The following MICU1 variants were observed in gnomAD, a reference collection of about 807,000 sequenced individuals.
The protein encoded by MICU1 is calcium uptake protein 1, mitochondrial.
In MICU1, 45 loss-of-function variants were observed where a neutral mutation model predicts 56.8. That is an observed-to-expected ratio of 0.79 (90% CI 0.62 to 1.02). The LOEUF (loss-of-function observed/expected upper bound fraction) is 1.02. Among genes scored for constraint, MICU1 ranks in the 50% least tolerant of loss-of-function variants. The pLI is 0.00. For missense variants in MICU1, 504 were observed against 587.1 expected (o/e 0.86, Z 1.46); for synonymous variants, 186 against 195.1 (o/e 0.95, Z 0.39).
chr10:72,376,084 A>T (rs976929241), intron 10 of MICU1, among the ~76,000 whole-genome samples: 9 of 152,106 alleles, frequency 5.9e-5, no homozygotes, highest in Non-Finnish European at 1.2e-4. Context: ...TGAGGCCAGA[A>T]CTTCAAGACC....
At chr10:72,495,655 CAAAAAAAAAA>C (rs758909513) in intron 6 of MICU1, among the ~76,000 whole-genome samples, 1 of 85,410 alleles carries the variant, frequency 1.2e-5, no homozygotes, top group South Asian at 4.1e-4. Context: ...ACCTCTGTCT[CAAAAAAAAAA>C]AAAAAAAAAA....
At chr10:72,473,458 C>T (rs532803152) in intron 8 of MICU1, among the ~76,000 whole-genome samples, 1 of 152,216 alleles carries the variant, frequency 6.6e-6, no homozygotes, top group Non-Finnish European at 1.5e-5. Context: ...CATTTTCTAA[C>T]ATGCTTATTC....
At chr10:72,433,585 G>A (rs1864615658) in intron 8 of MICU1, among the ~76,000 whole-genome samples, 2 of 151,960 alleles carry the variant, frequency 1.3e-5, no homozygotes, top group South Asian at 2.1e-4. Flanking sequence ...CTGCCACCAC[G>A]CCTGGCTAAT....
chr10:72,570,339 T>A (rs1428591762), intron 1 of MICU1, among the ~76,000 whole-genome samples: 2 of 152,204 alleles, frequency 1.3e-5, no homozygotes, highest in Non-Finnish European at 2.9e-5. Flanking sequence ...CCAAATTATT[T>A]TTTTTTTCAA....
intron 8 of MICU1, among the ~76,000 whole-genome samples, chr10:72,426,280 A>C (rs910056374): frequency 2.6e-5 from 4 of 152,186 alleles, no homozygotes; most frequent in African/African-American, 7.2e-5. Flanking sequence ...TTGGCCTCCC[A>C]AAGTGCTGAG....
chr10:72,423,704 T>G (rs1214762468), intron 8 of MICU1, among the ~76,000 whole-genome samples: 1 of 152,176 alleles, frequency 6.6e-6, no homozygotes, highest in African/African-American at 2.4e-5. Context: ...ACGGAACAGA[T>G]GGATAACATT....
intron 10 of MICU1, among the ~76,000 whole-genome samples, chr10:72,382,256 C>G (rs1017187641): frequency 1.3e-5 from 2 of 150,180 alleles, no homozygotes; most frequent in African/African-American, 4.9e-5. Context: ...ATTACAGGTG[C>G]CTGCCACCAC....
intron 8 of MICU1, among the ~76,000 whole-genome samples, chr10:72,443,054 G>A (rs1222471521): frequency 1.3e-5 from 2 of 152,176 alleles, no homozygotes; most frequent in Non-Finnish European, 2.9e-5. Flanking sequence ...ACAGTGCCTG[G>A]TCTGTCCTTT....
chr10:72,403,623 C>A (rs1863530071), intron 10 of MICU1, among the ~76,000 whole-genome samples: 1 of 132,308 alleles, frequency 7.6e-6, no homozygotes, highest in Admixed American at 7.9e-5. Context: ...ATATTACATA[C>A]CAAAATTGTG....
chr10:72,404,011 A>G, intron 10 of MICU1, among the ~76,000 whole-genome samples: 1 of 148,034 alleles, frequency 6.8e-6, no homozygotes, highest in Non-Finnish European at 1.5e-5. Flanking sequence ...TTTTTTGGAG[A>G]CAGAGTCTTC....
intron 5 of MICU1, among the ~76,000 whole-genome samples, chr10:72,529,432 T>C (rs1329160999): frequency 6.6e-6 from 1 of 152,158 alleles, no homozygotes; most frequent in African/African-American, 2.4e-5. Flanking sequence ...AAATAGTGTA[T>C]AAACTATAGC....
intron 6 of MICU1, among the ~76,000 whole-genome samples, chr10:72,500,257 CATACATATATAT>C (rs1366585291): frequency 1.4e-3 from 69 of 47,784 alleles, no homozygotes; most frequent in African/African-American, 4.8e-3. Context: ...TACATACATA[CATACATATATAT>C]ATATATATAT....
At chr10:72,556,462 AC>A (rs1840161954) in intron 3 of MICU1, among the ~76,000 whole-genome samples, 1 of 151,888 alleles carries the variant, frequency 6.6e-6, no homozygotes, top group Admixed American at 6.6e-5. Context: ...TGCCTCAGCC[AC>A]CCAAGTAGCT....
At chr10:72,502,740 G>A (rs1440823133) in intron 6 of MICU1, 1 of 153,332 alleles carries the variant, frequency 6.5e-6, no homozygotes, top group Non-Finnish European at 1.5e-5. Context: ...GAGTCACTGA[G>A]TGCCTCATTT....
chr10:72,566,934 T>C (rs544242789), intron 1 of MICU1, 140 bp from the exon 2 acceptor site: 1 of 656,650 alleles, frequency 1.5e-6, no homozygotes, highest in East Asian at 2.9e-5. Flanking sequence ...GCTTATATTA[T>C]CCCATTTAAT....
At chr10:72,438,614 G>GT (rs906999562) in intron 8 of MICU1, among the ~76,000 whole-genome samples, 1 of 152,206 alleles carries the variant, frequency 6.6e-6, no homozygotes, top group African/African-American at 2.4e-5. Context: ...TCCAGGAGCT[G>GT]TTTTTTTGAA....
intron 7 of MICU1, among the ~76,000 whole-genome samples, chr10:72,476,735 T>C (rs1355490446): frequency 6.6e-6 from 1 of 152,174 alleles, no homozygotes; most frequent in Non-Finnish European, 1.5e-5. Context: ...ATGTAACCTA[T>C]TCCTAGGATT....
At chr10:72,370,205 C>A (rs377187788) in intron 11 of MICU1, among the ~76,000 whole-genome samples, 17 of 151,994 alleles carry the variant, frequency 1.1e-4, no homozygotes, top group African/African-American at 4.1e-4. Flanking sequence ...AGAAACCACC[C>A]AAGCCACACA....
chr10:72,447,165 G>A (rs1305836951), intron 8 of MICU1, among the ~76,000 whole-genome samples: 3 of 152,162 alleles, frequency 2.0e-5, no homozygotes, highest in Non-Finnish European at 4.4e-5. Context: ...ACGGAAACAG[G>A]AGCAGTAGGG....
Sources: gnomAD v4.1 joint callset for allele counts (sites outside exome capture counted in the v4.1 genomes callset) on GRCh38, gnomAD v4.1.1 for gene constraint, MANE v1.5 for transcripts, NCBI Gene and HGNC (gene_info 2026-07-23, HGNC 2026-07-21) for gene names.